Variants in PHACTR1 observed in about 807,000 individuals in gnomAD.
The protein encoded by PHACTR1 is phosphatase and actin regulator 1, also known as RPEL repeat containing 1.
A neutral mutation model predicts 69.2 loss-of-function variants in PHACTR1; 16 were observed. The ratio of observed to expected loss-of-function variants is 0.23; its 90% CI spans 0.16 to 0.35. PHACTR1 has a LOEUF of 0.35. Among genes scored for constraint, PHACTR1 ranks in the 10% least tolerant of loss-of-function variants. PHACTR1 has a pLI of 1.00. For missense variants in PHACTR1, 510 were observed against 734.7 expected (o/e 0.69, Z 3.54); for synonymous variants, 312 against 284.5 (o/e 1.10, Z -0.97).
intron 4 of PHACTR1, among the ~76,000 whole-genome samples, chr6:12,900,603 G>A (rs1359882286): frequency 1.3e-5 from 2 of 152,136 alleles, no homozygotes; most frequent in Non-Finnish European, 2.9e-5. Flanking sequence ...GCGGCTGAGT[G>A]GGGAGGATTA....
chr6:12,745,148 T>A (rs1401652289), intron 3 of PHACTR1, among the ~76,000 whole-genome samples: 1 of 152,082 alleles, frequency 6.6e-6, no homozygotes, highest in African/African-American at 2.4e-5. Context: ...ACTTGAAAAA[T>A]TTTCTTAATG....
At chr6:13,023,639 C>A (rs1345331276) in intron 4 of PHACTR1, among the ~76,000 whole-genome samples, 3 of 152,232 alleles carry the variant, frequency 2.0e-5, no homozygotes, top group African/African-American at 7.2e-5. Flanking sequence ...ACAATAGCAA[C>A]CTGTAGTGAA....
chr6:12,953,142 G>A (rs952703596), intron 4 of PHACTR1, among the ~76,000 whole-genome samples: 8 of 152,050 alleles, frequency 5.3e-5, no homozygotes, highest in Admixed American at 5.2e-4. Flanking sequence ...GGCCAATGTG[G>A]TGAAACCCCG....
At chr6:12,845,425 A>ACC (rs1332657788) in intron 4 of PHACTR1, among the ~76,000 whole-genome samples, 37 of 14,808 alleles carry the variant, frequency 2.5e-3, no homozygotes, top group Non-Finnish European at 3.9e-3. Flanking sequence ...TGTGAACACC[A>ACC]CCCACCCCCC....
chr6:13,167,420 G>A (rs1759964974), intron 6 of PHACTR1, among the ~76,000 whole-genome samples: 1 of 152,096 alleles, frequency 6.6e-6, no homozygotes, highest in Non-Finnish European at 1.5e-5. Flanking sequence ...GGATGGGGAG[G>A]GAAAAGAAGA....
chr6:13,149,296 T>C (rs1398769664), intron 5 of PHACTR1, among the ~76,000 whole-genome samples: 3 of 152,174 alleles, frequency 2.0e-5, no homozygotes, highest in Non-Finnish European at 2.9e-5. Context: ...GTTACACTGC[T>C]TCCTTTATTC....
At position 12,896,457 on chromosome 6, in the gene PHACTR1, A is replaced by G. The variant is rs189121674; in HGVS notation, c.250+146667A>G. Reference sequence around the variant, plus strand: ...TACTCTCAGCTTTCATTTTATGTTTATCAGACTTCTGAGCTATCCCGTCTG... The same window carrying G: ...TACTCTCAGCTTTCATTTTATGTTTGTCAGACTTCTGAGCTATCCCGTCTG... On this transcript the variant is annotated intron_variant, in intron 4 of 14. Transcript: ENST00000332995. 2.7e-3 allele frequency among the ~76,000 whole-genome samples: 414 copies of G among 152,280 alleles called. 3 individuals are homozygous for G. The highest frequency in any genetic ancestry group is 9.4e-3 in the African/African-American group (391 of 41,566).
intron 4 of PHACTR1, among the ~76,000 whole-genome samples, chr6:12,750,468 A>C: frequency 6.6e-6 from 1 of 151,292 alleles, no homozygotes; most frequent in Non-Finnish European, 1.5e-5. Context: ...GAAAGGAAGG[A>C]AACGAGGGAA....
At position 12,746,316 on chromosome 6, in the gene PHACTR1, T is replaced by A. The variant is rs185251427; in HGVS notation, c.104-3328T>A. Among the ~76,000 whole-genome samples, 112 of 152,294 alleles carry A rather than the reference T, an allele frequency of 7.4e-4. No homozygotes were observed. In the Middle Eastern group the frequency reaches 0.014, roughly 19 times the overall value. Reference sequence around the variant, plus strand: ...TGGGAGGCTGAATTGGGCGGATTGCTTGAAACCAGGAGTTTGAGACCAGCT... The same window carrying A: ...TGGGAGGCTGAATTGGGCGGATTGCATGAAACCAGGAGTTTGAGACCAGCT... On this transcript the variant is annotated intron_variant, in intron 3 of 14. Coordinates refer to ENST00000332995, the MANE Select transcript of PHACTR1 (RefSeq NM_030948.6).
rs1455047059 is a variant in PHACTR1 at position 12,718,725 on chromosome 6, C to CT, written c.-19dup. 5 of 1,395,290 alleles carry CT rather than the reference C, an allele frequency of 3.6e-6. No individual in the cohort carries two copies. In the African/African-American group the frequency reaches 4.3e-5, roughly 12 times the overall value. The allele number at this position is 1,395,290 out of a possible 1,614,324, so 86.4% of individuals were successfully genotyped here. A position where few individuals can be genotyped will look rare whatever the true frequency, so the allele number is the denominator to read the frequency against. On this transcript the variant is annotated 5_prime_UTR_variant, in exon 3 of 15. Coordinates refer to ENST00000332995, the MANE Select transcript of PHACTR1 (RefSeq NM_030948.6). Reference sequence around the variant, plus strand: ...TGTTCCAGTGTTTTCTCTCAAAACTCTGTGTTTGGAACATCAAGGATGGAT... The same window carrying CT: ...TGTTCCAGTGTTTTCTCTCAAAACTCTTGTGTTTGGAACATCAAGGATGGAT...
At chr6:13,235,853 C>G (rs143124071) in intron 10 of PHACTR1, among the ~76,000 whole-genome samples, 326 of 152,310 alleles carry the variant, frequency 2.1e-3, no homozygotes, top group Middle Eastern at 0.017. Context: ...TCCTCTCCAA[C>G]TGAGGTCCTC....
chr6:13,076,795 G>T (rs1262740206), intron 5 of PHACTR1, among the ~76,000 whole-genome samples: 1 of 151,978 alleles, frequency 6.6e-6, no homozygotes, highest in Non-Finnish European at 1.5e-5. Context: ...AAGTCATAGC[G>T]TTAAGGAGAA....
At chr6:12,781,412 A>C (rs573187627) in intron 4 of PHACTR1, among the ~76,000 whole-genome samples, 1 of 152,230 alleles carries the variant, frequency 6.6e-6, no homozygotes, top group Admixed American at 6.5e-5. Context: ...GCCATTTTCA[A>C]ATCAGTGCCT....
intron 5 of PHACTR1, among the ~76,000 whole-genome samples, chr6:13,065,688 A>G (rs1004277023): frequency 2.6e-5 from 4 of 152,184 alleles, no homozygotes; most frequent in Admixed American, 6.5e-5. Flanking sequence ...GTCAAGCTGC[A>G]AAATTTGCCT....
intron 6 of PHACTR1, among the ~76,000 whole-genome samples, chr6:13,168,733 G>A (rs115815401): frequency 2.0e-3 from 298 of 152,292 alleles, no homozygotes; most frequent in African/African-American, 6.9e-3. Context: ...AGAGAAGATA[G>A]GAGGGGTAAG....
intron 5 of PHACTR1, among the ~76,000 whole-genome samples, chr6:13,064,581 T>C (rs868267040): frequency 1.0e-3 from 6 of 5,716 alleles, no homozygotes; most frequent in South Asian, 6.4e-3. Context: ...TATATATATA[T>C]ATATATATAT....
intron 6 of PHACTR1, among the ~76,000 whole-genome samples, chr6:13,181,634 C>T (rs78221989): frequency 3.5e-4 from 54 of 152,312 alleles, no homozygotes; most frequent in Non-Finnish European, 5.0e-4. Context: ...GTCTGCACTA[C>T]GTGGCGTGAT....
At chr6:12,967,388 T>A (rs760315114) in intron 4 of PHACTR1, among the ~76,000 whole-genome samples, 6 of 152,190 alleles carry the variant, frequency 3.9e-5, no homozygotes, top group Non-Finnish European at 8.8e-5. Context: ...AGAAGAAAAG[T>A]AAGCTTGAAT....
intron 6 of PHACTR1, among the ~76,000 whole-genome samples, chr6:13,180,500 G>A (rs1249700159): frequency 6.6e-6 from 1 of 152,140 alleles, no homozygotes; most frequent in Non-Finnish European, 1.5e-5. Flanking sequence ...TTTTTCTAAT[G>A]TTGCTTCTAT....
Sources: allele counts gnomAD v4.1 joint callset (sites outside exome capture counted in the v4.1 genomes callset), GRCh38; gene constraint gnomAD v4.1.1; transcripts MANE v1.5; gene names NCBI Gene and HGNC (gene_info 2026-07-23, HGNC 2026-07-21).